The following TMEM161B variants were observed in gnomAD, a reference collection of about 807,000 sequenced individuals.
The protein encoded by TMEM161B is transmembrane protein 161B.
TMEM161B carries 34 observed loss-of-function variants against 61.8 expected under a neutral mutation model. The observed-to-expected ratio is 0.55, with a 90% CI of 0.42 to 0.73. The LOEUF (loss-of-function observed/expected upper bound fraction) is 0.73, where lower values mean the gene tolerates loss of function less well. Ranked by LOEUF, TMEM161B falls within the 30% of genes least tolerant of loss-of-function variation. The pLI is 0.00. For missense variants in TMEM161B, 456 were observed against 558.5 expected (o/e 0.82, Z 1.85); for synonymous variants, 167 against 192.8 (o/e 0.87, Z 1.11).
intron 1 of TMEM161B, among the ~76,000 whole-genome samples, chr5:88,256,317 A>G (rs1754977982): frequency 6.6e-6 from 1 of 152,244 alleles, no homozygotes; most frequent in South Asian, 2.1e-4. Flanking sequence ...TCTCTAGCCA[A>G]GACATGCATA....
At chr5:88,187,995 T>G (rs1338483409), downstream of TMEM161B, among the ~76,000 whole-genome samples, 2 of 152,232 alleles carry the variant, frequency 1.3e-5, no homozygotes, top group Admixed American at 6.5e-5. Context: ...AACAATGAAC[T>G]ATATAGAAAT....
chr5:88,204,801 G>GT (rs1745134196), intron 8 of TMEM161B, among the ~76,000 whole-genome samples: 2 of 151,184 alleles, frequency 1.3e-5, no homozygotes, highest in Non-Finnish European at 2.9e-5. Context: ...GGAGGCGATA[G>GT]TAAGTAAACA....
intron 8 of TMEM161B, 40 bp downstream of exon 8, chr5:88,205,774 T>C (rs1310404749): frequency 1.2e-6 from 2 of 1,600,654 alleles, no homozygotes; most frequent in South Asian, 2.3e-5. Context: ...ATGGAAAACA[T>C]ATATTTATCT....
At chr5:88,257,624 G>T (rs1226749185) in intron 1 of TMEM161B, among the ~76,000 whole-genome samples, 1 of 152,144 alleles carries the variant, frequency 6.6e-6, no homozygotes, top group African/African-American at 2.4e-5. Context: ...AGATCATGTT[G>T]TCTATGATTG....
intron 1 of TMEM161B, among the ~76,000 whole-genome samples, chr5:88,265,635 A>G (rs1172806125): frequency 6.6e-6 from 1 of 152,068 alleles, no homozygotes; most frequent in Non-Finnish European, 1.5e-5. Flanking sequence ...ACATGACCCA[A>G]CCTGCTCTCA....
intron 1 of TMEM161B, among the ~76,000 whole-genome samples, chr5:88,264,774 C>A (rs1272474210): frequency 6.6e-6 from 1 of 152,184 alleles, no homozygotes; most frequent in African/African-American, 2.4e-5. Flanking sequence ...AGAATGAGTT[C>A]ATGTCCTTTG....
At chr5:88,223,430 T>G (rs1196625215) in intron 4 of TMEM161B, among the ~76,000 whole-genome samples, 1 of 152,202 alleles carries the variant, frequency 6.6e-6, no homozygotes, top group African/African-American at 2.4e-5. Flanking sequence ...TATATATTCT[T>G]GTATTTATAC....
chr5:88,223,121 C>T (rs1366225799), intron 4 of TMEM161B, among the ~76,000 whole-genome samples: 1 of 111,692 alleles, frequency 9.0e-6, no homozygotes, highest in African/African-American at 3.4e-5. Context: ...AGCTACAATA[C>T]CCTAAATTCA....
At chr5:88,242,210 A>G (rs1752861802) in intron 1 of TMEM161B, among the ~76,000 whole-genome samples, 2 of 151,640 alleles carry the variant, frequency 1.3e-5, no homozygotes, top group Admixed American at 1.3e-4. Context: ...CCATTTTCTC[A>G]TATCTCCCAC....
At chr5:88,188,746 C>T (rs1252847064), downstream of TMEM161B, among the ~76,000 whole-genome samples, 9 of 152,128 alleles carry the variant, frequency 5.9e-5, no homozygotes, top group Non-Finnish European at 1.2e-4. Context: ...GACAGAGCTC[C>T]TGACCCTTTT....
At chr5:88,242,882 G>T (rs1249663552) in intron 1 of TMEM161B, among the ~76,000 whole-genome samples, 1 of 151,684 alleles carries the variant, frequency 6.6e-6, no homozygotes, top group East Asian at 1.9e-4. Flanking sequence ...TCTGCATGAA[G>T]AAACTATAAT....
At chr5:88,219,411 G>A (rs1169186329) in intron 5 of TMEM161B, among the ~76,000 whole-genome samples, 4 of 152,156 alleles carry the variant, frequency 2.6e-5, no homozygotes, top group Admixed American at 2.6e-4. Flanking sequence ...AGAAGAGCAA[G>A]AAGAAGTTGC....
At chr5:88,237,917 G>T (rs973506823) in intron 2 of TMEM161B, among the ~76,000 whole-genome samples, 1 of 151,932 alleles carries the variant, frequency 6.6e-6, no homozygotes, top group African/African-American at 2.4e-5. Context: ...CAGGAAAATG[G>T]CTTACTCATT....
chr5:88,241,352 T>G (rs1228297445), intron 1 of TMEM161B, among the ~76,000 whole-genome samples: 11 of 151,832 alleles, frequency 7.2e-5, no homozygotes, highest in Non-Finnish European at 1.3e-4. Flanking sequence ...GGACAACTGT[T>G]AAATTCTGGC....
At chr5:88,226,438 G>C (rs1405293700) in intron 3 of TMEM161B, among the ~76,000 whole-genome samples, 2 of 152,134 alleles carry the variant, frequency 1.3e-5, no homozygotes, top group Non-Finnish European at 1.5e-5. Context: ...CAAACATATA[G>C]AAAGCAATAA....
intron 1 of TMEM161B, among the ~76,000 whole-genome samples, chr5:88,249,604 A>C (rs1754066820): frequency 6.6e-6 from 1 of 152,160 alleles, no homozygotes; most frequent in Admixed American, 6.6e-5. Flanking sequence ...TTTCCAGAGA[A>C]GGAGTAGAGG....
chr5:88,186,223 G>A (rs1275248357), downstream of TMEM161B, among the ~76,000 whole-genome samples: 1 of 152,076 alleles, frequency 6.6e-6, no homozygotes, highest in African/African-American at 2.4e-5. Context: ...ACATTCTTTT[G>A]CAGAAACAGA....
chr5:88,242,174 C>T (rs1053041526), intron 1 of TMEM161B, among the ~76,000 whole-genome samples: 2 of 151,798 alleles, frequency 1.3e-5, no homozygotes, highest in East Asian at 3.9e-4. Flanking sequence ...TTCACAGCCA[C>T]TTTTCAAGAC....
chr5:88,262,146 A>G (rs1248857960), intron 1 of TMEM161B, among the ~76,000 whole-genome samples: 2 of 152,214 alleles, frequency 1.3e-5, no homozygotes, highest in African/African-American at 4.8e-5. Flanking sequence ...ACATACAGAC[A>G]GCAAATAAGA....
Sources: allele counts gnomAD v4.1 joint callset (sites outside exome capture counted in the v4.1 genomes callset), GRCh38; gene constraint gnomAD v4.1.1; transcripts MANE v1.5; gene names NCBI Gene and HGNC (gene_info 2026-07-23, HGNC 2026-07-21).